The following MOB3A variants were observed in gnomAD, a reference collection of about 807,000 sequenced individuals.
MOB3A encodes MOB LAK.
A neutral mutation model predicts 17.8 loss-of-function variants in MOB3A; 17 were observed. The observed-to-expected ratio is 0.95, with a 90% CI of 0.65 to 1.43. MOB3A has a LOEUF of 1.43. Among genes scored for constraint, MOB3A ranks in the 40% most tolerant of loss-of-function variants. MOB3A has a pLI of 0.00. For missense variants in MOB3A, 333 were observed against 310.8 expected (o/e 1.07, Z -0.54); for synonymous variants, 124 against 133.2 (o/e 0.93, Z 0.48).
chr19:2,087,368 C>T (rs1156373301), intron 1 of MOB3A, among the ~76,000 whole-genome samples: 1 of 152,194 alleles, frequency 6.6e-6, no homozygotes, highest in East Asian at 1.9e-4. Flanking sequence ...TAAAAGAAGC[C>T]CTGGCCAGCT....
chr19:2,083,515 G>A (rs2017515635), intron 2 of MOB3A, among the ~76,000 whole-genome samples: 1 of 152,240 alleles, frequency 6.6e-6, no homozygotes, highest in Admixed American at 6.5e-5. Flanking sequence ...CCTCCACGCT[G>A]GGAATCAATC....
Position 2,093,194 on chromosome 19 carries a change from G to C in MOB3A, c.-274+3032C>G, listed in dbSNP as rs1158359981. On this transcript the variant is annotated intron_variant, in intron 1 of 4. Coordinates refer to ENST00000357066, the MANE Select transcript of MOB3A (RefSeq NM_130807.3). This position sits in a 1 kb window ranked among gnomAD's most constrained non-coding sequence, Gnocchi z 4.6. ...TTTTTTCGAGACGTTGTCTTACTCT[G>C]TTGCCCAGGCTGGAGTGCAGTGGCG... is the stretch of plus-strand genomic sequence containing the variant. Among the ~76,000 whole-genome samples the C allele has an allele frequency of 6.6e-6, 1 of 151,370 alleles. No homozygotes were observed. Among genetic ancestry groups the C allele is most frequent in the Non-Finnish European group, 1.5e-5 (1 of 67,908 alleles).
intron 2 of MOB3A, chr19:2,084,041 G>A: frequency 4.8e-6 from 2 of 414,814 alleles, no homozygotes; most frequent in South Asian, 1.7e-5. Flanking sequence ...CAAAGTGCTG[G>A]GATTACAGGC....
In MOB3A at chr19:2,076,882, T is replaced by TGTTC. The variant is rs759031172; in HGVS notation, c.549_552dup (p.Thr185GlufsTer68). 6.8e-6 allele frequency: 11 copies of TGTTC among 1,614,096 alleles called. No individual in the cohort carries two copies. The South Asian group carries it at 1.2e-4, about 18-fold the overall frequency. On this transcript the variant is annotated frameshift_variant, in exon 4 of 5. Coordinates refer to ENST00000357066, the MANE Select transcript of MOB3A (RefSeq NM_130807.3). LOFTEE classifies it high-confidence loss of function. ...AAATAGTAGAAGTGCTTGTAGCAGG[T>TGTTC]GTTCACGTGGGCCTCGGAGCCCATC...
At position 2,078,338 on chromosome 19, in the gene MOB3A, T is replaced by G; in HGVS notation, c.223A>C (p.Ile75Leu). 1 of 1,612,394 alleles carries G rather than the reference T, an allele frequency of 6.2e-7. No individual in the cohort carries two copies. Among genetic ancestry groups the G allele is most frequent in the Non-Finnish European group, 8.5e-7 (1 of 1,178,936 alleles). Residue 75 changes from isoleucine (I) to leucine (L), a missense_variant, in exon 3 of 5, where the codon ATC becomes CTC. Coordinates refer to ENST00000357066, the MANE Select transcript of MOB3A (RefSeq NM_130807.3). ...VVDFFNRVNLIYGTISDGCTE... is the reference protein window; with the variant it reads ...VVDFFNRVNLLYGTISDGCTE... ...CAGCCGTCGCTGATGGTGCCGTAGATGAGGTTGACGCGGTTAAAGAAGTCC... is the reference window on the plus strand; with the variant it reads ...CAGCCGTCGCTGATGGTGCCGTAGAGGAGGTTGACGCGGTTAAAGAAGTCC...
chr19:2,073,281 G>T lies in MOB3A; in HGVS notation c.*114C>A. 7.3e-7 allele frequency: 1 copy of T among 1,376,704 alleles called. No individual in the cohort carries two copies. Among genetic ancestry groups the T allele is most frequent in the Non-Finnish European group, 1.0e-6 (1 of 980,818 alleles). The allele number at this position is 1,376,704 out of a possible 1,614,324, so 85.3% of individuals were successfully genotyped here. ...ACACCTGCTCAGCGGCTCGGCCCCT[G>T]GTCTCCCTGAGATGCTCAGGCCGGA... On this transcript the variant is annotated 3_prime_UTR_variant, in exon 5 of 5. Transcript: ENST00000357066.
At chr19:2,090,563 G>C (rs535976225) in intron 1 of MOB3A, among the ~76,000 whole-genome samples, 1 of 152,136 alleles carries the variant, frequency 6.6e-6, no homozygotes, top group Non-Finnish European at 1.5e-5. Context: ...TACCCAGGGG[G>C]AGACCCTGGC....
At chr19:2,095,525 C>A (rs1434992532) in intron 1 of MOB3A, among the ~76,000 whole-genome samples, 2 of 152,202 alleles carry the variant, frequency 1.3e-5, no homozygotes, top group African/African-American at 4.8e-5. Flanking sequence ...GAATTTTAAT[C>A]CACACCGGGA....
At chr19:2,090,788 C>T (rs1435468638) in intron 1 of MOB3A, among the ~76,000 whole-genome samples, 1 of 152,208 alleles carries the variant, frequency 6.6e-6, no homozygotes, top group East Asian at 1.9e-4. Flanking sequence ...CTCAGCCTCC[C>T]GAGTAGCTGG....
At chr19:2,096,012 G>A (rs1342613066) in intron 1 of MOB3A, among the ~76,000 whole-genome samples, 1 of 151,968 alleles carries the variant, frequency 6.6e-6, no homozygotes, top group Non-Finnish European at 1.5e-5. Flanking sequence ...CCAAAGTGCT[G>A]GGATTACAGG....
chr19:2,081,035 G>A (rs1199959553), intron 2 of MOB3A, among the ~76,000 whole-genome samples: 1 of 152,170 alleles, frequency 6.6e-6, no homozygotes, highest in Non-Finnish European at 1.5e-5. Context: ...CCAGAACTGA[G>A]GTGGGAGGAC....
In MOB3A at chr19:2,093,386, G is replaced by A. The variant is rs1191507348; in HGVS notation, c.-274+2840C>T. Among the ~76,000 whole-genome samples the A allele has an allele frequency of 6.6e-6, 1 of 152,112 alleles. No individual in the cohort carries two copies. On this transcript the variant is annotated intron_variant, in intron 1 of 4. Transcript: ENST00000357066. This position sits in a 1 kb window ranked among gnomAD's most constrained non-coding sequence, Gnocchi z 4.6. Reference sequence around the variant, plus strand: ...CTTCCTGGCATTTAGAAGGTCAAATGGCTTAAGCTGAAAAGGCAAATCCGA... The same window carrying A: ...CTTCCTGGCATTTAGAAGGTCAAATAGCTTAAGCTGAAAAGGCAAATCCGA...
At position 2,093,614 on chromosome 19, in the gene MOB3A, T is replaced by A. The variant is rs2017636937; in HGVS notation, c.-274+2612A>T. On this transcript the variant is annotated intron_variant, in intron 1 of 4. Coordinates refer to ENST00000357066, the MANE Select transcript of MOB3A (RefSeq NM_130807.3). The surrounding 1 kb of genome is among the most constrained non-coding windows in gnomAD (Gnocchi z 4.6). ...TGCTCTCCTCGGCCTCCCAAAGTGC[T>A]GGGATTACAGGTATGAGCCACCCGC... 6.6e-6 allele frequency among the ~76,000 whole-genome samples: 1 copy of A among 152,136 alleles called. No individual in the cohort carries two copies. Among genetic ancestry groups the A allele is most frequent in the Non-Finnish European group, 1.5e-5 (1 of 68,028 alleles).
chr19:2,081,994 G>A (rs946852958), intron 2 of MOB3A, among the ~76,000 whole-genome samples: 4 of 152,224 alleles, frequency 2.6e-5, no homozygotes, highest in Admixed American at 2.6e-4. Flanking sequence ...CCCCTGGTGA[G>A]GACCGGCTGG....
intron 2 of MOB3A, among the ~76,000 whole-genome samples, chr19:2,079,602 G>T (rs906974679): frequency 7.0e-4 from 106 of 152,314 alleles, no homozygotes; most frequent in African/African-American, 2.6e-3. Context: ...GCCTCAGAGG[G>T]ACCCAGCCCC....
At chr19:2,074,750 C>T (rs1038177349) in intron 4 of MOB3A, among the ~76,000 whole-genome samples, 1 of 151,936 alleles carries the variant, frequency 6.6e-6, no homozygotes, top group Non-Finnish European at 1.5e-5. Flanking sequence ...CAGAGTCTTG[C>T]TCTGTCACCC....
chr19:2,072,563 G>C lies in MOB3A; in HGVS notation c.*832C>G, dbSNP rs767031736. On this transcript the variant is annotated 3_prime_UTR_variant, in exon 5 of 5. Transcript: ENST00000357066. ...GGGTGCAGGACGTGGGGTCCCAGGA[G>C]TCCAGGAAGCCCTGGATACAGTCAG... The C allele has an allele frequency of 6.6e-6, 1 of 152,268 alleles. No individual in the cohort carries two copies. The highest frequency in any genetic ancestry group is 1.5e-5 in the Non-Finnish European group (1 of 68,102). The allele number at this position is 152,268 out of a possible 1,614,324, so 9.4% of individuals were successfully genotyped here. A position where few individuals can be genotyped will look rare whatever the true frequency, so the allele number is the denominator to read the frequency against.
chr19:2,078,027 C>T, intron 3 of MOB3A, 113 bp downstream of exon 3: 1 of 1,123,818 alleles, frequency 8.9e-7, no homozygotes, highest in Non-Finnish European at 1.2e-6. Context: ...TCAAGCGATC[C>T]CTGGGCTCGG....
Position 2,078,062 on chromosome 19 carries a change from G to A in MOB3A, c.421+78C>T, listed in dbSNP as rs112132995. 2,094 of 1,398,772 alleles carry A rather than the reference G, an allele frequency of 1.5e-3. 28 individuals are homozygous for A. The African/African-American group carries it at 0.026, about 17-fold the overall frequency. The allele number at this position is 1,398,772 out of a possible 1,614,324, so 86.6% of individuals were successfully genotyped here. A position where few individuals can be genotyped will look rare whatever the true frequency, so the allele number is the denominator to read the frequency against. ...GCCTCCCAAAGCGCTGGCATTACGG[G>A]TGTGAGCCACTGTGCTCGGCCTCCC... On this transcript the variant is annotated intron_variant, in intron 3 of 4. Transcript: ENST00000357066.
Sources: allele counts gnomAD v4.1 joint callset (sites outside exome capture counted in the v4.1 genomes callset), GRCh38; gene constraint gnomAD v4.1.1; non-coding constraint Gnocchi (gnomAD v3.1); transcripts MANE v1.5; gene names NCBI Gene and HGNC (gene_info 2026-07-23, HGNC 2026-07-21).